SCAPER: variants seen among roughly 807,000 people sequenced by gnomAD.
SCAPER encodes S phase cyclin A-associated protein in the endoplasmic reticulum.
In SCAPER, 98 loss-of-function variants were observed where a neutral mutation model predicts 182.2. That is an observed-to-expected ratio of 0.54 (90% CI 0.46 to 0.64). SCAPER has a LOEUF of 0.64. Ranked by LOEUF, SCAPER falls within the 30% of genes least tolerant of loss-of-function variation. The pLI is 0.00. For synonymous variants in SCAPER, 605 were observed against 564.6 expected (o/e 1.07, Z -1.01); for missense variants, 1,432 against 1,690.0 (o/e 0.85, Z 2.68).
At position 76,766,929 on chromosome 15, in the gene SCAPER, T is replaced by C. The variant is rs2063152311; in HGVS notation, c.1408A>G (p.Ser470Gly). The change falls in exon 11 of 32, where the codon AGT (serine) becomes GGT (glycine). Residue 470 changes from serine (S) to glycine (G), a missense_variant. This residue lies in a region of SCAPER where 128 missense variants were observed against 149.9 expected (regional missense o/e 0.85). Coordinates refer to ENST00000563290, the MANE Select transcript of SCAPER (RefSeq NM_020843.4). ...GTCTAAAAGCTCACAGAAAAATCAC[T>C]GTCGTTGTCAGTTTCAATGTTAATA... ...NDINIETDNDSDFSASMGSGS... is the reference protein window; with the variant it reads ...NDINIETDNDGDFSASMGSGS... The C allele has an allele frequency of 3.1e-6, 5 of 1,588,744 alleles. No homozygotes were observed. The highest frequency in any genetic ancestry group is 4.3e-6 in the Non-Finnish European group (5 of 1,173,678).
chr15:76,405,376 T>TAA (rs1229033927), intron 26 of SCAPER, among the ~76,000 whole-genome samples: 1 of 152,068 alleles, frequency 6.6e-6, no homozygotes, highest in African/African-American at 2.4e-5. Context: ...CTCGGCCTCC[T>TAA]AAAGTGCTAC....
At chr15:76,639,632 A>G (rs1008789941) in intron 21 of SCAPER, among the ~76,000 whole-genome samples, 14 of 152,160 alleles carry the variant, frequency 9.2e-5, no homozygotes, top group African/African-American at 3.4e-4. Context: ...CAAAAGGTCA[A>G]TTCAAAGATG....
chr15:76,859,903 A>T (rs896373928), intron 3 of SCAPER, among the ~76,000 whole-genome samples: 1 of 152,052 alleles, frequency 6.6e-6, no homozygotes, highest in Admixed American at 6.6e-5. Context: ...TTTAGTAGAG[A>T]CGAGGTTTCA....
At chr15:76,430,119 G>A (rs564169164) in intron 26 of SCAPER, among the ~76,000 whole-genome samples, 9 of 152,204 alleles carry the variant, frequency 5.9e-5, no homozygotes, top group Admixed American at 3.3e-4. Context: ...CAGGTGCACC[G>A]AAGTCAAGAA....
At position 76,705,915 on chromosome 15, in the gene SCAPER, T is replaced by C; in HGVS notation, c.2235A>G (p.Lys745=). 1 of 1,554,680 alleles carries C rather than the reference T, an allele frequency of 6.4e-7. No homozygotes were observed. Among genetic ancestry groups the C allele is most frequent in the Non-Finnish European group, 8.7e-7 (1 of 1,151,654 alleles). ...ATAATATCCTTACCTTGAGCTGAAT[T>C]TTTTTCTGTAACTCTTCCATAGCTT... ...QQEAMEELQK[K]IQLKHDESIR... The change falls in exon 18 of 32, where the codon AAA becomes AAG. Residue 745 remains lysine, a synonymous_variant. Coordinates refer to ENST00000563290, the MANE Select transcript of SCAPER (RefSeq NM_020843.4).
intron 29 of SCAPER, among the ~76,000 whole-genome samples, chr15:76,375,514 AC>A (rs1242118076): frequency 6.6e-6 from 1 of 152,164 alleles, no homozygotes; most frequent in Non-Finnish European, 1.5e-5. Flanking sequence ...CCTTATCAAA[AC>A]AAAAACCCTG....
intron 2 of SCAPER, 72 bp downstream of exon 2, chr15:76,883,740 T>TA (rs1568403389): frequency 2.4e-6 from 3 of 1,236,498 alleles, no homozygotes; most frequent in East Asian, 5.4e-5. Context: ...ACTATTACAT[T>TA]AAAAAAGATA....
chr15:76,721,286 ACT>A (rs1410020046), intron 17 of SCAPER, among the ~76,000 whole-genome samples: 18 of 151,516 alleles, frequency 1.2e-4, no homozygotes. Flanking sequence ...TTGGTCTATA[ACT>A]CTGTTTTGGT....
chr15:76,670,157 C>G (rs1233608204), intron 20 of SCAPER, among the ~76,000 whole-genome samples: 1 of 151,690 alleles, frequency 6.6e-6, no homozygotes, highest in African/African-American at 2.4e-5. Flanking sequence ...TTTCTTAACA[C>G]AAAAATGTGT....
chr15:76,396,858 G>A lies in SCAPER; in HGVS notation c.3467+7666C>T, dbSNP rs931663948. Among the ~76,000 whole-genome samples the A allele has an allele frequency of 2.4e-4, 37 of 152,178 alleles. 1 individual carries two copies. Among genetic ancestry groups the A allele is most frequent in the Non-Finnish European group, 8.8e-5 (6 of 68,038 alleles). ...ATTTCTAGTATGATGTTGAGTAACA[G>A]TGGTGAAAGTGGTCATCCTTGTTGT... On this transcript the variant is annotated intron_variant, in intron 27 of 31. Transcript: ENST00000563290.
intron 2 of SCAPER, among the ~76,000 whole-genome samples, chr15:76,871,891 C>A (rs536988633): frequency 6.6e-6 from 1 of 151,772 alleles, no homozygotes; most frequent in Admixed American, 6.6e-5. Flanking sequence ...ACGCCTGGCA[C>A]AATTTGCATT....
chr15:76,734,019 A>G (rs914889164), intron 15 of SCAPER, among the ~76,000 whole-genome samples: 1 of 152,358 alleles, frequency 6.6e-6, no homozygotes, highest in African/African-American at 2.4e-5. Flanking sequence ...GTTCTACTTA[A>G]TAACAGTGTA....
At chr15:76,827,996 G>A (rs770831479) in intron 5 of SCAPER, among the ~76,000 whole-genome samples, 6 of 151,972 alleles carry the variant, frequency 3.9e-5, no homozygotes, top group Admixed American at 6.6e-5. Flanking sequence ...AGGTTTAATG[G>A]GTTAATGGAT....
chr15:76,647,804 C>T (rs927914398), intron 21 of SCAPER, among the ~76,000 whole-genome samples: 1 of 152,156 alleles, frequency 6.6e-6, no homozygotes, highest in Non-Finnish European at 1.5e-5. Context: ...TTTGAGGATA[C>T]TCATTGAACA....
chr15:76,765,617 C>G lies in SCAPER; in HGVS notation c.1441G>C (p.Val481Leu), dbSNP rs1188731104. ...TCCATGGACATACCACAGAAAGAAA[C>G]ACTCCCACTGCCCATGCTGGCCTAA... is the stretch of plus-strand genomic sequence containing the variant. Reference protein sequence around the residue: ...DFSASMGSGSVSFCGMSMDWN... With the variant: ...DFSASMGSGSLSFCGMSMDWN... Residue 481 changes from valine to leucine, a missense_variant, in exon 12 of 32, where the codon GTT (valine) becomes CTT (leucine). Around this residue, in one of 5 missense-constraint regions of SCAPER, gnomAD observed 128 missense variants for 149.9 expected, o/e 0.85. Coordinates refer to ENST00000563290, the MANE Select transcript of SCAPER (RefSeq NM_020843.4). 2 of 1,583,692 alleles carry G rather than the reference C, an allele frequency of 1.3e-6. No homozygotes were observed. Among genetic ancestry groups the G allele is most frequent in the Non-Finnish European group, 1.7e-6 (2 of 1,163,702 alleles).
chr15:76,357,289 G>A (rs1425943501), intron 29 of SCAPER, among the ~76,000 whole-genome samples: 1 of 151,460 alleles, frequency 6.6e-6, no homozygotes, highest in East Asian at 1.9e-4. Context: ...ATGAGAAGAT[G>A]ACCCAAAATG....
At chr15:76,663,327 G>C (rs280023) in intron 21 of SCAPER, among the ~76,000 whole-genome samples, 3,913 of 152,152 alleles carry the variant, frequency 0.026, 163 homozygotes, top group African/African-American at 0.089. Flanking sequence ...CTCACGGATT[G>C]CTAATGGGAG....
chr15:76,623,606 G>A (rs1187060549), intron 21 of SCAPER, among the ~76,000 whole-genome samples: 2 of 152,048 alleles, frequency 1.3e-5, no homozygotes, highest in African/African-American at 2.4e-5. Context: ...TTGGTCTTAC[G>A]TGTCTGCTTT....
intron 2 of SCAPER, among the ~76,000 whole-genome samples, chr15:76,864,551 G>C (rs564141738): frequency 7.2e-5 from 11 of 152,066 alleles, no homozygotes; most frequent in Admixed American, 2.0e-4. Context: ...CTCTTTTGGG[G>C]AATATGTGAA....
Sources: allele counts gnomAD v4.1 joint callset (sites outside exome capture counted in the v4.1 genomes callset), GRCh38; gene constraint gnomAD v4.1.1; regional missense constraint gnomAD v4.1.1; transcripts MANE v1.5; gene names NCBI Gene and HGNC (gene_info 2026-07-23, HGNC 2026-07-21).